RGS6: variants seen among roughly 807,000 people sequenced by gnomAD.
The protein encoded by RGS6 is regulator of G protein signaling 6.
Under a neutral mutation model 78.5 loss-of-function variants are expected in RGS6, and 30 were observed. The ratio of observed to expected loss-of-function variants is 0.38; its 90% CI spans 0.29 to 0.52. The LOEUF (loss-of-function observed/expected upper bound fraction) is 0.52. Ranked by LOEUF, RGS6 falls within the 20% of genes least tolerant of loss-of-function variation. The probability of loss-of-function intolerance (pLI) is 0.85; values close to 1 mark genes in which losing one functional copy is unlikely to be tolerated. For missense variants in RGS6, 495 were observed against 609.7 expected (o/e 0.81, Z 1.98); for synonymous variants, 206 against 206.0 (o/e 1.00, Z 0.00).
intron 2 of RGS6, among the ~76,000 whole-genome samples, chr14:72,005,467 A>ATCTG (rs1555428453): frequency 3.3e-5 from 5 of 151,174 alleles, no homozygotes; most frequent in Non-Finnish European, 5.9e-5. Context: ...CTATCTATCT[A>ATCTG]TATCTCCCTA....
At chr14:72,130,924 A>G (rs561313598) in intron 2 of RGS6, among the ~76,000 whole-genome samples, 1 of 152,214 alleles carries the variant, frequency 6.6e-6, no homozygotes, top group Non-Finnish European at 1.5e-5. Context: ...GAATAGTCTT[A>G]GAGTTGGACA....
intron 14 of RGS6, among the ~76,000 whole-genome samples, chr14:72,517,330 G>A (rs189197077): frequency 1.3e-5 from 2 of 152,232 alleles, no homozygotes; most frequent in Admixed American, 6.5e-5. Flanking sequence ...ACTGATGGGG[G>A]AGCTGGCCTG....
intron 2 of RGS6, among the ~76,000 whole-genome samples, chr14:72,043,125 A>C (rs971968365): frequency 6.6e-6 from 1 of 151,116 alleles, no homozygotes; most frequent in African/African-American, 2.4e-5. Context: ...ATTAGTTTTT[A>C]CTCTTTATTT....
chr14:71,968,208 C>G (rs939600869), intron 2 of RGS6, among the ~76,000 whole-genome samples: 1 of 152,108 alleles, frequency 6.6e-6, no homozygotes, highest in African/African-American at 2.4e-5. Flanking sequence ...AGCTATACAT[C>G]ACATCATTTA....
intron 2 of RGS6, among the ~76,000 whole-genome samples, chr14:72,245,826 T>A (rs955656933): frequency 1.3e-5 from 2 of 152,100 alleles, no homozygotes; most frequent in Non-Finnish European, 2.9e-5. Context: ...GAGAAATGTG[T>A]TAGGACAGAA....
the RGS6 span, among the ~76,000 whole-genome samples, chr14:72,593,733 T>C: frequency 2.0e-5 from 3 of 152,174 alleles, no homozygotes; most frequent in African/African-American, 7.2e-5. Context: ...TGATCTGCTA[T>C]ATCTAGAAGA....
At chr14:72,079,844 ATGT>A (rs767807675) in intron 2 of RGS6, among the ~76,000 whole-genome samples, 1 of 152,144 alleles carries the variant, frequency 6.6e-6, no homozygotes, top group Non-Finnish European at 1.5e-5. Flanking sequence ...CAGGTTGACC[ATGT>A]TGTCATAAAT....
At chr14:72,501,398 GA>G (rs3216326) in intron 13 of RGS6, among the ~76,000 whole-genome samples, 42,831 of 151,884 alleles carry the variant, frequency 0.28, 9,798 homozygotes, top group African/African-American at 0.64. Flanking sequence ...ATTCAGAGGG[GA>G]AAAAAAGGCA....
chr14:72,054,701 TCTC>T (rs2093524315), intron 2 of RGS6, among the ~76,000 whole-genome samples: 1 of 152,186 alleles, frequency 6.6e-6, no homozygotes, highest in Non-Finnish European at 1.5e-5. Flanking sequence ...TCTCTGTAAT[TCTC>T]CTTTATCTTA....
At chr14:72,317,953 CA>C (rs1434916346) in intron 2 of RGS6, among the ~76,000 whole-genome samples, 1 of 152,106 alleles carries the variant, frequency 6.6e-6, no homozygotes, top group Non-Finnish European at 1.5e-5. Context: ...TGACAAAAGA[CA>C]AAAACAGAAG....
the RGS6 span, among the ~76,000 whole-genome samples, chr14:72,598,908 G>A: frequency 1.7e-4 from 26 of 152,316 alleles, 1 homozygote; most frequent in Admixed American, 1.4e-3. Flanking sequence ...CCAGGCAATC[G>A]GTCTGGGCAC....
chr14:72,371,596 T>C (rs1316045097), intron 3 of RGS6, among the ~76,000 whole-genome samples: 1 of 152,112 alleles, frequency 6.6e-6, no homozygotes. Context: ...ACCCCGTCTC[T>C]ACTAAAGATA....
intron 13 of RGS6, among the ~76,000 whole-genome samples, chr14:72,500,183 C>T (rs948572140): frequency 6.6e-6 from 1 of 152,206 alleles, no homozygotes; most frequent in African/African-American, 2.4e-5. Context: ...TGCTACCTGC[C>T]CCCTACTACT....
At chr14:72,586,016 G>A in the RGS6 span, among the ~76,000 whole-genome samples, 2 of 152,178 alleles carry the variant, frequency 1.3e-5, no homozygotes, top group South Asian at 2.1e-4. Flanking sequence ...TTCCTTGGCT[G>A]TCTTCAGAAT....
chr14:72,415,870 A>T (rs1032923043), intron 3 of RGS6, among the ~76,000 whole-genome samples: 1 of 152,142 alleles, frequency 6.6e-6, no homozygotes, highest in African/African-American at 2.4e-5. Context: ...GTTTATTCCT[A>T]CATCTGGCAC....
At chr14:72,098,380 T>G (rs544112886) in intron 2 of RGS6, among the ~76,000 whole-genome samples, 1 of 152,360 alleles carries the variant, frequency 6.6e-6, no homozygotes, top group South Asian at 2.1e-4. Context: ...TGTGGACATG[T>G]GGCAGGTGCC....
intron 3 of RGS6, among the ~76,000 whole-genome samples, chr14:72,402,998 C>T (rs1400233311): frequency 1.3e-5 from 2 of 151,706 alleles, no homozygotes; most frequent in East Asian, 1.9e-4. Context: ...GCCATGTTAG[C>T]CAGGCTGGTC....
At chr14:72,273,635 A>T (rs1255396819) in intron 2 of RGS6, among the ~76,000 whole-genome samples, 1 of 152,238 alleles carries the variant, frequency 6.6e-6, no homozygotes, top group Admixed American at 6.5e-5. Flanking sequence ...TTATGAAGGC[A>T]TTAGTTTCAC....
intron 2 of RGS6, among the ~76,000 whole-genome samples, chr14:72,259,910 CAAAAAAAAAA>C (rs11287556): frequency 1.5e-5 from 1 of 68,410 alleles, no homozygotes; most frequent in Non-Finnish European, 2.3e-5. Context: ...GACTCCGTCT[CAAAAAAAAAA>C]AAAAAAAAAA....
Sources: allele counts gnomAD v4.1 joint callset (sites outside exome capture counted in the v4.1 genomes callset), GRCh38; gene constraint gnomAD v4.1.1; transcripts MANE v1.5; gene names NCBI Gene and HGNC (gene_info 2026-07-23, HGNC 2026-07-21).